The following TIMM44 variants were observed in gnomAD, a reference collection of about 807,000 sequenced individuals.
TIMM44 encodes mitochondrial import inner membrane translocase subunit TIM44.
Under a neutral mutation model 63.8 loss-of-function variants are expected in TIMM44, and 37 were observed. The ratio of observed to expected loss-of-function variants is 0.58; its 90% CI spans 0.45 to 0.76. The LOEUF is 0.76. TIMM44 is among the 30% of genes least tolerant of loss of function. The pLI is 0.00. For synonymous variants in TIMM44, 239 were observed against 245.1 expected (o/e 0.98, Z 0.23); for missense variants, 573 against 603.8 (o/e 0.95, Z 0.54).
chr19:7,931,278 G>A (rs1983975081), intron 9 of TIMM44, 90 bp from the exon 10 acceptor site: 2 of 1,259,540 alleles, frequency 1.6e-6, no homozygotes, highest in South Asian at 1.2e-5. Flanking sequence ...GTGGTGCGGG[G>A]TGGGGAGTTT....
At position 7,933,149 on chromosome 19, in the gene TIMM44, C is replaced by T. The variant is rs545055264; in HGVS notation, c.770-217G>A. Among the ~76,000 whole-genome samples, 1 of 152,262 alleles carries T rather than the reference C, an allele frequency of 6.6e-6. No individual in the cohort carries two copies. Among genetic ancestry groups the T allele is most frequent in the East Asian group, 1.9e-4 (1 of 5,170 alleles). On this transcript the variant is annotated intron_variant, in intron 7 of 12. Transcript: ENST00000270538. The surrounding 1 kb of genome is among the most constrained non-coding windows in gnomAD (Gnocchi z 4.3). The stretch of plus-strand genomic sequence containing the variant: ...GCGCAGAGGCCCCTCAGCTGCGGCC[C>T]TAATGGGGCTGTGTAAGTTATGGGC...
At chr19:7,935,306 C>G in intron 3 of TIMM44, 161 bp from the exon 4 acceptor site, 1 of 657,480 alleles carries the variant, frequency 1.5e-6, no homozygotes, top group South Asian at 1.7e-5. Context: ...GCTGGGACTA[C>G]AGGGCCCACC....
At position 7,932,986 on chromosome 19, in the gene TIMM44, C is replaced by G. The variant is rs908713252; in HGVS notation, c.770-54G>C. ...AGGGGCCCCTTCCAGAAACACAACC[C>G]TCCCTCACAGCTTCTAGAGGCTCCC... On this transcript the variant is annotated intron_variant, in intron 7 of 12. Coordinates refer to ENST00000270538, the MANE Select transcript of TIMM44 (RefSeq NM_006351.4). The G allele has an allele frequency of 3.4e-5, 49 of 1,421,516 alleles. No individual in the cohort carries two copies. In the Admixed American group the frequency reaches 8.3e-4, roughly 24 times the overall value. The allele number at this position is 1,421,516 out of a possible 1,614,324, so 88.1% of individuals were successfully genotyped here.
chr19:7,928,036 A>C (rs1599645400), intron 11 of TIMM44, 41 bp downstream of exon 11: 1 of 1,574,688 alleles, frequency 6.4e-7, no homozygotes, highest in Non-Finnish European at 8.7e-7. Context: ...CATAGTTCCC[A>C]CCCCCGATGG....
intron 3 of TIMM44, 54 bp downstream of exon 3, chr19:7,937,973 G>A (rs952884501): frequency 5.9e-5 from 95 of 1,603,704 alleles, no homozygotes; most frequent in East Asian, 3.8e-4. Context: ...AGCCGAGATC[G>A]CACCACTACT....
intron 10 of TIMM44, among the ~76,000 whole-genome samples, chr19:7,929,628 G>T (rs180910273): frequency 9.9e-4 from 151 of 152,230 alleles, no homozygotes; most frequent in African/African-American, 3.6e-3. Flanking sequence ...GTGAGCACAG[G>T]GACTCTGCTC....
At chr19:7,938,003 A>C in intron 3 of TIMM44, 24 bp downstream of exon 3, 1 of 1,613,706 alleles carries the variant, frequency 6.2e-7, no homozygotes, top group Non-Finnish European at 8.5e-7. Context: ...GGGTGAGGGA[A>C]AAAAAAGCAG....
In TIMM44 at chr19:7,934,042, G is replaced by A. The variant is rs374160402; in HGVS notation, c.544-39C>T. The A allele has an allele frequency of 5.6e-6, 9 of 1,613,280 alleles. No individual in the cohort carries two copies. The highest frequency in any genetic ancestry group is 7.6e-6 in the Non-Finnish European group (9 of 1,179,972). ...ACAGCGGGGCTGGGGTGGGTGTCTG[G>A]GTTCGGCCGCCCCAGGCTGCATGCC... On this transcript the variant is annotated intron_variant, in intron 5 of 12. Transcript: ENST00000270538. The surrounding 1 kb of genome is among the most constrained non-coding windows in gnomAD (Gnocchi z 5.3).
Position 7,927,693 on chromosome 19 carries a change from GACC to G in TIMM44, c.1200_1202del (p.Val401del). 1 of 1,613,506 alleles carries G rather than the reference GACC, an allele frequency of 6.2e-7. No homozygotes were observed. On this transcript the variant is annotated inframe_deletion, in exon 12 of 13. Transcript: ENST00000270538. ...CCACCACCTCGCCTTTGGGGTTCCT[GACC>G]ACCATCACCAGCTGTGCCTGGAAGG... is the stretch of plus-strand genomic sequence containing the variant.
In TIMM44 at chr19:7,933,709, A is replaced by T. The variant is rs1984053294; in HGVS notation, c.684-139T>A. 7.4e-7 allele frequency: 1 copy of T among 1,344,728 alleles called. No homozygotes were observed. The highest frequency in any genetic ancestry group is 1.4e-5 in the African/African-American group (1 of 69,436). 83.3% of individuals were successfully genotyped at this position (1,344,728 alleles called of 1,614,324 possible). A position where few individuals can be genotyped will look rare whatever the true frequency, so the allele number is the denominator to read the frequency against. ...TAGGGGCTCTGAGGACCCCGCCCTC[A>T]CCTCTCACCCTCAAATTCGAGGGAG... On this transcript the variant is annotated intron_variant, in intron 6 of 12. Transcript: ENST00000270538. This position sits in a 1 kb window ranked among gnomAD's most constrained non-coding sequence, Gnocchi z 4.3.
chr19:7,935,167 CTTTTTTTTTTTT>C (rs753419157), intron 3 of TIMM44, 22 bp from the exon 4 acceptor site: 2 of 1,254,056 alleles, frequency 1.6e-6, no homozygotes, highest in East Asian at 2.6e-5. Flanking sequence ...GCGCTGTGTC[CTTTTTTTTTTTT>C]TTTTTTTTGA....
At chr19:7,941,295 C>T in intron 1 of TIMM44, 98 bp from the exon 2 acceptor site, 3 of 882,378 alleles carry the variant, frequency 3.4e-6, no homozygotes, top group Admixed American at 4.5e-5. Flanking sequence ...CTGCAACTCA[C>T]TGGCCATTTT....
chr19:7,934,344 C>T lies in TIMM44; in HGVS notation c.394-106G>A, dbSNP rs894214359. The T allele has an allele frequency of 6.7e-7, 1 of 1,485,884 alleles. No individual in the cohort carries two copies. Among genetic ancestry groups the T allele is most frequent in the African/African-American group, 1.4e-5 (1 of 72,600 alleles). The allele number at this position is 1,485,884 out of a possible 1,614,324, so 92.0% of individuals were successfully genotyped here. On this transcript the variant is annotated intron_variant, in intron 4 of 12. Coordinates refer to ENST00000270538, the MANE Select transcript of TIMM44 (RefSeq NM_006351.4). The surrounding 1 kb of genome is among the most constrained non-coding windows in gnomAD (Gnocchi z 5.3). ...CGGAGAGAAGGGCGGATCTGGTTCC[C>T]CGAGGCCGGCAGAGGCCTTCTGTGC...
Position 7,933,743 on chromosome 19 carries a change from C to T in TIMM44, c.683+121G>A. ...CCTCAAATTCGAGGGAGCCGGGAAC[C>T]TTGGGCAGAAGGCAAACTCAAGAAA... On this transcript the variant is annotated intron_variant, in intron 6 of 12. Transcript: ENST00000270538. This position sits in a 1 kb window ranked among gnomAD's most constrained non-coding sequence, Gnocchi z 4.3. The T allele has an allele frequency of 1.3e-6, 2 of 1,511,038 alleles. No individual in the cohort carries two copies. Among genetic ancestry groups the T allele is most frequent in the South Asian group, 2.3e-5 (2 of 88,452 alleles). 93.6% of individuals were successfully genotyped at this position (1,511,038 alleles called of 1,614,324 possible). A position where few individuals can be genotyped will look rare whatever the true frequency, so the allele number is the denominator to read the frequency against.
At chr19:7,929,974 G>A (rs962248764) in intron 10 of TIMM44, among the ~76,000 whole-genome samples, 1 of 145,954 alleles carries the variant, frequency 6.9e-6, no homozygotes, top group African/African-American at 2.5e-5. Context: ...TCAGCCTCCC[G>A]AGTAGCTGGG....
In TIMM44 at chr19:7,928,086, G is replaced by A. The variant is rs774364066; in HGVS notation, c.1119C>T (p.Asp373=). The change falls in exon 11 of 13, where the codon GAC becomes GAT. Residue 373 remains aspartate (D), a synonymous_variant. Transcript: ENST00000270538. ...LQFHSRILDI[D]NVDLAMGKMM... ...ACTGCGAGGTGCTTACGTCGACGTTGTCAATGTCTAGGATGCGAGAATGGA... is the reference window on the plus strand; with the variant it reads ...ACTGCGAGGTGCTTACGTCGACGTTATCAATGTCTAGGATGCGAGAATGGA... 6 of 1,613,800 alleles carry A rather than the reference G, an allele frequency of 3.7e-6. No individual in the cohort carries two copies. Among genetic ancestry groups the A allele is most frequent in the East Asian group, 2.2e-5 (1 of 44,888 alleles).
Position 7,934,945 on chromosome 19 carries a change from GC to G in TIMM44, c.393+119del. On this transcript the variant is annotated intron_variant, in intron 4 of 12. Coordinates refer to ENST00000270538, the MANE Select transcript of TIMM44 (RefSeq NM_006351.4). This position sits in a 1 kb window ranked among gnomAD's most constrained non-coding sequence, Gnocchi z 5.3. ...GAAACCTTCCCGAGGGTGGCAGCAC[GC>G]CCCATGCCACCCACTGCTGCCAAGC... 2.3e-6 allele frequency: 2 copies of G among 878,924 alleles called. No homozygotes were observed. Among genetic ancestry groups the G allele is most frequent in the Non-Finnish European group, 3.7e-6 (2 of 540,942 alleles). The allele number at this position is 878,924 out of a possible 1,614,324, so 54.4% of individuals were successfully genotyped here.
chr19:7,943,638 G>T lies in TIMM44; in HGVS notation c.14C>A (p.Ala5Asp). 6.4e-7 allele frequency: 1 copy of T among 1,566,436 alleles called. No individual in the cohort carries two copies. The highest frequency in any genetic ancestry group is 2.4e-5 in the East Asian group (1 of 42,432). The change falls in exon 1 of 13, where the codon GCC (alanine) becomes GAC (aspartate). Residue 5 changes from alanine (A) to aspartate (D), a missense_variant. By Grantham distance (126) the Ala-to-Asp change is moderately radical. Coordinates refer to ENST00000270538, the MANE Select transcript of TIMM44 (RefSeq NM_006351.4). The surrounding 1 kb of genome is among the most constrained non-coding windows in gnomAD (Gnocchi z 4.3). ...ACAGCGGCACCAGCCACTCCGCAGG[G>T]CCGCCGCCGCCATGTTGGAGAATCG... MAAA[A>D]LRSGWCRCPR...
In TIMM44 at chr19:7,941,215, A is replaced by G; in HGVS notation, c.46-18T>C. On this transcript the variant is annotated intron_variant, in intron 1 of 12. Coordinates refer to ENST00000270538, the MANE Select transcript of TIMM44 (RefSeq NM_006351.4). ...AGGCATCTCTAATTGGGGGGAGAGAAGAGAAAGATCCATTCTAACAAGAGG... is the reference window on the plus strand; with the variant it reads ...AGGCATCTCTAATTGGGGGGAGAGAGGAGAAAGATCCATTCTAACAAGAGG... 6.3e-7 allele frequency: 1 copy of G among 1,587,560 alleles called. No homozygotes were observed. Among genetic ancestry groups the G allele is most frequent in the Non-Finnish European group, 8.7e-7 (1 of 1,155,894 alleles).
Sources: allele counts gnomAD v4.1 joint callset (sites outside exome capture counted in the v4.1 genomes callset), GRCh38; gene constraint gnomAD v4.1.1; non-coding constraint Gnocchi (gnomAD v3.1); transcripts MANE v1.5; gene names NCBI Gene and HGNC (gene_info 2026-07-23, HGNC 2026-07-21).